The following TSNARE1 variants were observed in gnomAD, a reference collection of about 807,000 sequenced individuals.
The protein encoded by TSNARE1 is t-SNARE domain containing 1, also known as t-SNARE domain-containing protein 1.
A neutral mutation model predicts 62.0 loss-of-function variants in TSNARE1; 49 were observed. The observed-to-expected ratio is 0.79, with a 90% CI of 0.63 to 1.00. TSNARE1 has a LOEUF of 1.00. Ranked by LOEUF, TSNARE1 falls within the 50% of genes least tolerant of loss-of-function variation. TSNARE1 has a pLI of 0.00. For missense variants in TSNARE1, 755 were observed against 700.1 expected, an observed-to-expected ratio of 1.08 and a Z score of -0.88; for synonymous variants, 328 against 294.4, an observed-to-expected ratio of 1.11 and a Z score of -1.17.
chr8:142,274,560 T>A (rs1389056745), intron 12 of TSNARE1: 1 of 985,192 alleles, frequency 1.0e-6, no homozygotes, highest in Non-Finnish European at 1.2e-6. Context: ...GAGGAGACGG[T>A]GCCGACCGCT....
At chr8:142,276,983 G>T in intron 11 of TSNARE1, 2 of 985,482 alleles carry the variant, frequency 2.0e-6, no homozygotes, top group Non-Finnish European at 1.2e-6. Flanking sequence ...ACAAGGGGAG[G>T]GGGGCTGCTC....
At chr8:142,290,421 C>T (rs766441607) in intron 10 of TSNARE1, among the ~76,000 whole-genome samples, 5 of 152,218 alleles carry the variant, frequency 3.3e-5, no homozygotes, top group Admixed American at 1.3e-4. Context: ...TCATTAAAAG[C>T]GCTCATGGAA....
chr8:142,379,553 C>T (rs1296619397), intron 1 of TSNARE1, among the ~76,000 whole-genome samples: 1 of 152,236 alleles, frequency 6.6e-6, no homozygotes, highest in Non-Finnish European at 1.5e-5. Flanking sequence ...TGTCCTTACA[C>T]CTTCGTTTCC....
chr8:142,309,463 C>A (rs1184976925), intron 9 of TSNARE1, among the ~76,000 whole-genome samples: 1 of 152,178 alleles, frequency 6.6e-6, no homozygotes, highest in Non-Finnish European at 1.5e-5. Flanking sequence ...GTTTTTTAGC[C>A]TCCTTGAGTG....
At chr8:142,344,583 C>T in intron 3 of TSNARE1, 111 bp from the exon 4 acceptor site, 2 of 1,176,704 alleles carry the variant, frequency 1.7e-6, no homozygotes, top group Non-Finnish European at 2.3e-6. Context: ...CAGGACACGG[C>T]TGCCTGGTCC....
At chr8:142,391,015 T>C (rs74221015) in intron 1 of TSNARE1, among the ~76,000 whole-genome samples, 2,092 of 106,170 alleles carry the variant, frequency 0.02, no homozygotes, top group African/African-American at 0.049. Context: ...CGGGGGACTC[T>C]GTAACAGACG....
At chr8:142,360,760 C>T (rs996496118) in intron 1 of TSNARE1, among the ~76,000 whole-genome samples, 5 of 152,162 alleles carry the variant, frequency 3.3e-5, no homozygotes, top group African/African-American at 4.8e-5. Flanking sequence ...CAGCCTGCCC[C>T]TGGGACAAAG....
intron 6 of TSNARE1, 127 bp from the exon 7 acceptor site, chr8:142,318,761 A>G (rs767404526): frequency 9.1e-6 from 7 of 766,406 alleles, no homozygotes; most frequent in Non-Finnish European, 1.3e-5. Context: ...ATGGATGGAC[A>G]GGCGGAGAGA....
intron 12 of TSNARE1, among the ~76,000 whole-genome samples, chr8:142,243,358 C>T (rs1817748639): frequency 6.6e-6 from 1 of 152,124 alleles, no homozygotes; most frequent in Non-Finnish European, 1.5e-5. Flanking sequence ...GCCTAAGTGT[C>T]CCCCCAAAGT....
chr8:142,381,155 T>C (rs568709950), intron 1 of TSNARE1, among the ~76,000 whole-genome samples: 1 of 152,342 alleles, frequency 6.6e-6, no homozygotes, highest in Admixed American at 6.5e-5. Flanking sequence ...TGCCAGAAGC[T>C]GCTCCCCTGG....
intron 9 of TSNARE1, among the ~76,000 whole-genome samples, chr8:142,302,717 G>A (rs751147487): frequency 3.3e-5 from 5 of 152,208 alleles, no homozygotes; most frequent in Admixed American, 6.5e-5. Flanking sequence ...TAGCCTCTGA[G>A]GGCACAGGGC....
intron 12 of TSNARE1, among the ~76,000 whole-genome samples, chr8:142,261,707 C>T (rs911385333): frequency 1.3e-5 from 2 of 152,110 alleles, no homozygotes; most frequent in African/African-American, 4.8e-5. Context: ...TTAACGATTG[C>T]GTTTTCCCGG....
intron 12 of TSNARE1, among the ~76,000 whole-genome samples, chr8:142,251,170 G>A (rs1818142392): frequency 2.0e-5 from 3 of 152,140 alleles, no homozygotes; most frequent in Non-Finnish European, 4.4e-5. Flanking sequence ...TGGGATCAGA[G>A]CCAGACTCTC....
chr8:142,361,892 C>T (rs1430698990), intron 1 of TSNARE1, among the ~76,000 whole-genome samples: 1 of 152,230 alleles, frequency 6.6e-6, no homozygotes, highest in Non-Finnish European at 1.5e-5. Context: ...AGCCGCGCCC[C>T]ACCACAGGGA....
At position 142,270,545 on chromosome 8, in the gene TSNARE1, G is replaced by A. The variant is rs891344476; in HGVS notation, c.1446+4236C>T. 4.1e-6 allele frequency: 4 copies of A among 983,070 alleles called. No individual in the cohort carries two copies. The African/African-American group carries it at 7.1e-5, about 17-fold the overall frequency. The allele number at this position is 983,070 out of a possible 1,614,324, so 60.9% of individuals were successfully genotyped here. The stretch of plus-strand genomic sequence containing the variant: ...GAAAATTGGATAGAAATTATTCCAG[G>A]CATATGGGATGTGGTTCCCCTGGGC... On this transcript the variant is annotated intron_variant, in intron 12 of 13. Transcript: ENST00000524325.
rs529992165 is a variant in TSNARE1 at position 142,273,655 on chromosome 8, G to C, written c.1446+1126C>G. 6.1e-6 allele frequency: 6 copies of C among 985,416 alleles called. No homozygotes were observed. The African/African-American group carries it at 8.7e-5, about 14-fold the overall frequency. The allele number at this position is 985,416 out of a possible 1,614,324, so 61.0% of individuals were successfully genotyped here. On this transcript the variant is annotated intron_variant, in intron 12 of 13. Transcript: ENST00000524325. ...TCTCATGGCCCCCGACAGAAATGGG[G>C]AGGCCCAAACTGGGATCAGCCTCCC...
chr8:142,279,911 A>G, intron 11 of TSNARE1: 3 of 1,035,906 alleles, frequency 2.9e-6, no homozygotes, highest in South Asian at 2.8e-5. Flanking sequence ...TGGGCAGAAA[A>G]GGTCTCTGCC....
At chr8:142,373,819 G>C (rs1338191047) in intron 1 of TSNARE1, among the ~76,000 whole-genome samples, 1 of 152,112 alleles carries the variant, frequency 6.6e-6, no homozygotes, top group Non-Finnish European at 1.5e-5. Context: ...CACAGGAGAG[G>C]GAGCTAGGCA....
At chr8:142,328,156 T>C (rs1830520095) in intron 6 of TSNARE1, among the ~76,000 whole-genome samples, 1 of 144,266 alleles carries the variant, frequency 6.9e-6, no homozygotes, top group Non-Finnish European at 1.5e-5. Context: ...TTAGAAATAA[T>C]AGTTTTTTAA....
Sources: allele counts gnomAD v4.1 joint callset (sites outside exome capture counted in the v4.1 genomes callset), GRCh38; gene constraint gnomAD v4.1.1; transcripts MANE v1.5; gene names NCBI Gene and HGNC (gene_info 2026-07-23, HGNC 2026-07-21).